The following OTUD7B variants were observed in gnomAD, a reference collection of about 807,000 sequenced individuals.
OTUD7B encodes the protein OTU domain-containing protein 7B.
A neutral mutation model predicts 82.2 loss-of-function variants in OTUD7B; 34 were observed. The observed-to-expected ratio is 0.41, with a 90% confidence interval of 0.31 to 0.55. OTUD7B has a LOEUF of 0.55. Among genes scored for constraint, OTUD7B ranks in the 20% least tolerant of loss-of-function variants. The pLI is 0.20. For synonymous variants in OTUD7B, 398 were observed against 402.7 expected, an observed-to-expected ratio of 0.99 and a Z score of 0.14; for missense variants, 944 against 1,062.1, an observed-to-expected ratio of 0.89 and a Z score of 1.55.
rs782553260 is a variant in OTUD7B, at chr1:149,950,068, G to A, written c.973+26C>T. On this transcript the variant is annotated intron_variant, in intron 8 of 11. Coordinates refer to ENST00000581312, the MANE Select transcript of OTUD7B (RefSeq NM_020205.4). ...TTTGCAAAAGGGGGTGCTCAGCATGGAGTGAGGACTGACTGGCTGACTCAC... is the reference window on the plus strand; with the variant it reads ...TTTGCAAAAGGGGGTGCTCAGCATGAAGTGAGGACTGACTGGCTGACTCAC... The A allele has an allele frequency of 5.0e-6, 8 of 1,612,768 alleles. No homozygotes were observed. In the South Asian group the frequency reaches 6.6e-5, roughly 13 times the overall value.
At chr1:149,992,470 T>G (rs1194614638) in intron 1 of OTUD7B, among the ~76,000 whole-genome samples, 1 of 1,566 alleles carries the variant, frequency 6.4e-4, no homozygotes, top group African/African-American at 7.2e-4. Flanking sequence ...TGCATGTGTT[T>G]TTTTTTTTTT....
chr1:149,960,824 G>T (rs782249137), intron 6 of OTUD7B: 2 of 151,152 alleles, frequency 1.3e-5, no homozygotes, highest in Non-Finnish European at 2.9e-5. Context: ...TCCTACCTTA[G>T]TGAATAGCAC....
chr1:149,943,791 T>C lies in OTUD7B; in HGVS notation c.*66A>G. ...TTCCCCCTCAACATGGGGACTGTGT[T>C]CTTGATGAGCCAATTAGTTGAGCTT... On this transcript the variant is annotated 3_prime_UTR_variant, in exon 12 of 12. Transcript: ENST00000581312. 1 of 1,493,944 alleles carries C rather than the reference T, an allele frequency of 6.7e-7. No individual in the cohort carries two copies. The highest frequency in any genetic ancestry group is 9.2e-7 in the Non-Finnish European group (1 of 1,084,382). 92.5% of individuals were successfully genotyped at this position (1,493,944 alleles called of 1,614,324 possible).
intron 6 of OTUD7B, 65 bp downstream of exon 6, chr1:149,964,157 C>T (rs782339399): frequency 6.4e-7 from 1 of 1,573,192 alleles, no homozygotes; most frequent in Admixed American, 1.7e-5. Context: ...TACTGGCAGG[C>T]ACCCAGTGAC....
At position 149,947,275 on chromosome 1, in the gene OTUD7B, C is replaced by A. The variant is rs1402474178; in HGVS notation, c.1299G>T (p.Trp433Cys). The part of the protein sequence containing the change: ...HLLHSYMNVK[W>C]IPLSSDAQAP... ...CCTGTGCATCAGAGGACAGTGGGAT[C>A]CACTTCACATTCATGTAGCTATGCA... Residue 433 changes from tryptophan to cysteine, a missense_variant, in exon 11 of 12, where the codon TGG becomes TGT. Coordinates refer to ENST00000581312, the MANE Select transcript of OTUD7B (RefSeq NM_020205.4). 1 of 1,606,774 alleles carries A rather than the reference C, an allele frequency of 6.2e-7. No homozygotes were observed. Among genetic ancestry groups the A allele is most frequent in the East Asian group, 2.2e-5 (1 of 44,834 alleles).
At position 149,941,776 on chromosome 1, in the gene OTUD7B, T is replaced by A. The variant is rs1647273538; in HGVS notation, c.*2081A>T. ...CATAAATTTTTTGCATTAATTTTTT[T>A]AAATACTGCATTTTTTATAGTATCT... On this transcript the variant is annotated 3_prime_UTR_variant, in exon 12 of 12. Coordinates refer to ENST00000581312, the MANE Select transcript of OTUD7B (RefSeq NM_020205.4). The A allele has an allele frequency of 6.6e-6, 1 of 152,226 alleles. No homozygotes were observed. The highest frequency in any genetic ancestry group is 1.5e-5 in the Non-Finnish European group (1 of 68,040). 9.4% of individuals were successfully genotyped at this position (152,226 alleles called of 1,614,324 possible). A position where few individuals can be genotyped will look rare whatever the true frequency, so the allele number is the denominator to read the frequency against.
chr1:149,937,826 C>G lies in OTUD7B; in HGVS notation c.*6031G>C, dbSNP rs1406595334. ...AAAATACAAAATAAGAGTTAATGAGCTGCTGTTTTATTGCTTTTGAATCTA... is the reference window on the plus strand; with the variant it reads ...AAAATACAAAATAAGAGTTAATGAGGTGCTGTTTTATTGCTTTTGAATCTA... On this transcript the variant is annotated 3_prime_UTR_variant, in exon 12 of 12. Coordinates refer to ENST00000581312, the MANE Select transcript of OTUD7B (RefSeq NM_020205.4). The G allele has an allele frequency of 1.3e-5, 2 of 152,138 alleles. No individual in the cohort carries two copies. The highest frequency in any genetic ancestry group is 4.8e-5 in the African/African-American group (2 of 41,416). 9.4% of individuals were successfully genotyped at this position (152,138 alleles called of 1,614,324 possible). A position where few individuals can be genotyped will look rare whatever the true frequency, so the allele number is the denominator to read the frequency against.
rs587595863 is a variant in OTUD7B, at chr1:149,960,029, C to T, written c.733-233G>A. Reference sequence around the variant, plus strand: ...TTCTTTTTGACCTACTGCAATCTGTCCCATTTCTGCCCTCCATCCTGCTCA... The same window carrying T: ...TTCTTTTTGACCTACTGCAATCTGTTCCATTTCTGCCCTCCATCCTGCTCA... On this transcript the variant is annotated intron_variant, in intron 6 of 11. Coordinates refer to ENST00000581312, the MANE Select transcript of OTUD7B (RefSeq NM_020205.4). Among the ~76,000 whole-genome samples the T allele has an allele frequency of 1.1e-4, 16 of 152,262 alleles. No homozygotes were observed. The South Asian group carries it at 3.1e-3, about 30-fold the overall frequency.
chr1:149,983,866 T>C (rs1221042774), intron 1 of OTUD7B, among the ~76,000 whole-genome samples: 1 of 152,174 alleles, frequency 6.6e-6, no homozygotes. Flanking sequence ...AAAATAGCGC[T>C]AAACCAGGAT....
At position 149,977,596 on chromosome 1, in the gene OTUD7B, A is replaced by C; in HGVS notation, c.-66-20T>G. 1.1e-6 allele frequency: 1 copy of C among 921,026 alleles called. No homozygotes were observed. Among genetic ancestry groups the C allele is most frequent in the Non-Finnish European group, 1.8e-6 (1 of 556,664 alleles). The allele number at this position is 921,026 out of a possible 1,614,324, so 57.1% of individuals were successfully genotyped here. ...CTCCACCTGAGGAATAAATAAATAC[A>C]TAAGGCTCAAATTACACTGGAACAG... is the stretch of plus-strand genomic sequence containing the variant. On this transcript the variant is annotated intron_variant, in intron 1 of 11. Transcript: ENST00000581312.
chr1:150,036,010 A>G, the OTUD7B span, among the ~76,000 whole-genome samples: 3 of 143,904 alleles, frequency 2.1e-5, no homozygotes, highest in African/African-American at 8.0e-5. Context: ...CTGGAGTGCA[A>G]TGGTGCAAAC....
intron 2 of OTUD7B, among the ~76,000 whole-genome samples, chr1:149,975,751 G>A: frequency 6.6e-6 from 1 of 152,116 alleles, no homozygotes; most frequent in Non-Finnish European, 1.5e-5. Context: ...AAATTAGGCT[G>A]GGCAGGGTGG....
chr1:150,003,026 G>A (rs370490013), intron 1 of OTUD7B, among the ~76,000 whole-genome samples: 12 of 152,026 alleles, frequency 7.9e-5, no homozygotes, highest in Admixed American at 2.6e-4. Context: ...CGAGGCGGGC[G>A]GATCGCGAGG....
At chr1:149,998,391 T>A (rs1652052477) in intron 1 of OTUD7B, among the ~76,000 whole-genome samples, 1 of 152,188 alleles carries the variant, frequency 6.6e-6, no homozygotes, top group South Asian at 2.1e-4. Flanking sequence ...TAAGTCTCAC[T>A]CCAATTTATC....
At position 149,939,577 on chromosome 1, in the gene OTUD7B, C is replaced by T. The variant is rs16837367; in HGVS notation, c.*4280G>A. 0.018 allele frequency: 2,735 copies of T among 152,266 alleles called. 69 individuals carry two copies. The highest frequency in any genetic ancestry group is 0.06 in the African/African-American group (2,473 of 41,498). The allele number at this position is 152,266 out of a possible 1,614,324, so 9.4% of individuals were successfully genotyped here. A position where few individuals can be genotyped will look rare whatever the true frequency, so the allele number is the denominator to read the frequency against. ...CAGGTGATTCCAGGCCGGGAAGGGG[C>T]TTCTAATTCTGTCTTCTCACCTGTG... On this transcript the variant is annotated 3_prime_UTR_variant, in exon 12 of 12. Transcript: ENST00000581312.
At position 149,943,816 on chromosome 1, in the gene OTUD7B, T is replaced by A. The variant is rs1200119002; in HGVS notation, c.*41A>T. 1 of 1,586,146 alleles carries A rather than the reference T, an allele frequency of 6.3e-7. No homozygotes were observed. The highest frequency in any genetic ancestry group is 1.7e-5 in the Admixed American group (1 of 59,174). ...TCTTGATGAGCCAATTAGTTGAGCTTAACTTTGTTTAGCCTCCTTGCCCTT... is the reference window on the plus strand; with the variant it reads ...TCTTGATGAGCCAATTAGTTGAGCTAAACTTTGTTTAGCCTCCTTGCCCTT... On this transcript the variant is annotated 3_prime_UTR_variant, in exon 12 of 12. Coordinates refer to ENST00000581312, the MANE Select transcript of OTUD7B (RefSeq NM_020205.4).
At chr1:150,042,041 C>A in the OTUD7B span, among the ~76,000 whole-genome samples, 18,083 of 151,252 alleles carry the variant, frequency 0.12, 1,285 homozygotes, top group Non-Finnish European at 0.16. Context: ...TTCTTTCTTT[C>A]TTTATTTATT....
intron 5 of OTUD7B, 109 bp from the exon 6 acceptor site, chr1:149,964,458 C>T: frequency 1.7e-6 from 2 of 1,163,030 alleles, no homozygotes; most frequent in Non-Finnish European, 1.2e-6. Context: ...TCTCAAACCC[C>T]TGGCCTCAAG....
At chr1:150,054,376 G>C in the OTUD7B span, 8 of 539,424 alleles carry the variant, frequency 1.5e-5, no homozygotes, top group Admixed American at 9.8e-5. Context: ...CTAGTGGCTG[G>C]TTACTTGTGA....
Sources: gnomAD v4.1 joint callset for allele counts (sites outside exome capture counted in the v4.1 genomes callset) on GRCh38, gnomAD v4.1.1 for gene constraint, MANE v1.5 for transcripts, NCBI Gene and HGNC (gene_info 2026-07-23, HGNC 2026-07-21) for gene names.